Variants in RAP1GAP observed in about 807,000 individuals in gnomAD.
RAP1GAP encodes RAP1 GTPase activating protein.
Under a neutral mutation model 87.2 loss-of-function variants are expected in RAP1GAP, and 35 were observed. That is an observed-to-expected ratio of 0.40 (90% confidence interval 0.31 to 0.53). RAP1GAP has a LOEUF of 0.53. Among genes scored for constraint, RAP1GAP ranks in the 20% least tolerant of loss-of-function variants. The probability of loss-of-function intolerance (pLI) is 0.48; values close to 1 mark genes in which losing one functional copy is unlikely to be tolerated. For synonymous variants in RAP1GAP, 375 were observed against 363.9 expected, an observed-to-expected ratio of 1.03 and a Z score of -0.35; for missense variants, 734 against 898.9, an observed-to-expected ratio of 0.82 and a Z score of 2.35.
At position 21,611,584 on chromosome 1, in the gene RAP1GAP, G is replaced by A. The variant is rs1361982803; in HGVS notation, c.714-3C>T. The A allele has an allele frequency of 1.2e-6, 2 of 1,613,968 alleles. No individual in the cohort carries two copies. The highest frequency in any genetic ancestry group is 1.7e-6 in the Non-Finnish European group (2 of 1,180,008). The stretch of plus-strand genomic sequence containing the variant: ...TCACGTCCAGGCCTCCTCGGAACCT[G>A]CCCCGGGGCCCCCCAGGCCACGCCT... On this transcript the variant is annotated splice_polypyrimidine_tract_variant and splice_region_variant and intron_variant, in intron 12 of 24. Transcript: ENST00000374765.
At chr1:21,606,247 C>G (rs750659847) in intron 17 of RAP1GAP, 50 bp from the exon 18 acceptor site, 2 of 1,541,192 alleles carry the variant, frequency 1.3e-6, no homozygotes, top group South Asian at 2.4e-5. Flanking sequence ...AAGGGCCGTC[C>G]CCTTGGGGAA....
chr1:21,629,359 C>G (rs1414702944), intron 2 of RAP1GAP, among the ~76,000 whole-genome samples: 1 of 152,186 alleles, frequency 6.6e-6, no homozygotes, highest in Non-Finnish European at 1.5e-5. Flanking sequence ...CCCTGACAAA[C>G]CCCCTTCCAG....
chr1:21,608,333 G>A lies in RAP1GAP; in HGVS notation c.1176C>T (p.Ala392=). The A allele has an allele frequency of 6.2e-7, 1 of 1,613,236 alleles. No homozygotes were observed. Among genetic ancestry groups the A allele is most frequent in the Non-Finnish European group, 8.5e-7 (1 of 1,179,710 alleles). ...GTTCCTCATAGAGCGTCTCCAGGAG[G>A]GCGGCCCGCGTCCGCTCCTGTGGGC... The part of the protein sequence containing the change: ...FAKLEERTRA[A]LLETLYEELH... The change falls in exon 17 of 25, where the codon GCC becomes GCT. Residue 392 remains alanine (A), a synonymous_variant. Coordinates refer to ENST00000374765, the MANE Select transcript of RAP1GAP (RefSeq NM_002885.4).
intron 1 of RAP1GAP, chr1:21,653,047 A>G (rs1225928148): frequency 1.3e-5 from 2 of 152,250 alleles, no homozygotes; most frequent in African/African-American, 4.8e-5. Context: ...GAGCTGTTCC[A>G]CCTGGGACCC....
intron 2 of RAP1GAP, among the ~76,000 whole-genome samples, chr1:21,633,026 G>A (rs1571043606): frequency 6.6e-6 from 1 of 152,208 alleles, no homozygotes; most frequent in Admixed American, 6.5e-5. Context: ...AGCTGGAGGG[G>A]TGGTGAGAGG....
intron 2 of RAP1GAP, among the ~76,000 whole-genome samples, chr1:21,627,244 T>C (rs1462860878): frequency 6.6e-6 from 1 of 152,114 alleles, no homozygotes; most frequent in East Asian, 1.9e-4. Flanking sequence ...TCTGCTCAGG[T>C]CCCATCAAGA....
intron 1 of RAP1GAP, among the ~76,000 whole-genome samples, chr1:21,660,353 T>TATATATATATATATATATATATAGAGA: frequency 1.1e-4 from 3 of 26,820 alleles, no homozygotes; most frequent in Admixed American, 1.2e-3. Flanking sequence ...ATATATTTAT[T>TATATATATATATATATATATATAGAGA]GAGACAGTCT....
At chr1:21,667,381 A>T (rs913151028) in intron 1 of RAP1GAP, among the ~76,000 whole-genome samples, 1 of 152,180 alleles carries the variant, frequency 6.6e-6, no homozygotes, top group Non-Finnish European at 1.5e-5. Flanking sequence ...TAGAGCCAGG[A>T]GAGGGGCCTC....
intron 2 of RAP1GAP, among the ~76,000 whole-genome samples, chr1:21,633,683 T>C (rs1016729841): frequency 4.0e-5 from 6 of 151,898 alleles, no homozygotes; most frequent in African/African-American, 1.5e-4. Context: ...AGGGAGCCAA[T>C]GAATACAGGG....
rs1484021626 is a variant in RAP1GAP at position 21,669,188 on chromosome 1, C to T, written c.-149+66G>A. ...GCGCGGGGTCTTCGCTGCGAGCCGA[C>T]GGGAGTCTGGACACCTCTGTCCCCT... On this transcript the variant is annotated intron_variant, in intron 1 of 24. Coordinates refer to ENST00000374765, the MANE Select transcript of RAP1GAP (RefSeq NM_002885.4). This position sits in a 1 kb window ranked among gnomAD's most constrained non-coding sequence, Gnocchi z 5.6. 10 of 1,229,294 alleles carry T rather than the reference C, an allele frequency of 8.1e-6. No individual in the cohort carries two copies. Among genetic ancestry groups the T allele is most frequent in the Non-Finnish European group, 1.0e-5 (10 of 964,858 alleles). 76.1% of individuals were successfully genotyped at this position (1,229,294 alleles called of 1,614,324 possible). A position where few individuals can be genotyped will look rare whatever the true frequency, so the allele number is the denominator to read the frequency against.
rs968887858 is a variant in RAP1GAP at position 21,669,322 on chromosome 1, C to A, written c.-217G>T. ...GCCCGCGGCCGCCGCTGCAGCTCTGCTCAGATGCGGCCGGCGCTCGCCGCC... is the reference window on the plus strand; with the variant it reads ...GCCCGCGGCCGCCGCTGCAGCTCTGATCAGATGCGGCCGGCGCTCGCCGCC... On this transcript the variant is annotated 5_prime_UTR_variant, in exon 1 of 25. Transcript: ENST00000374765. This position sits in a 1 kb window ranked among gnomAD's most constrained non-coding sequence, Gnocchi z 5.6. The A allele has an allele frequency of 7.3e-6, 8 of 1,101,536 alleles. No individual in the cohort carries two copies. The highest frequency in any genetic ancestry group is 5.8e-5 in the Admixed American group (1 of 17,224). 68.2% of individuals were successfully genotyped at this position (1,101,536 alleles called of 1,614,324 possible).
chr1:21,665,053 C>T (rs974517053), intron 1 of RAP1GAP, among the ~76,000 whole-genome samples: 1 of 152,222 alleles, frequency 6.6e-6, no homozygotes, highest in Non-Finnish European at 1.5e-5. Context: ...CAATCTATGT[C>T]CTTTTAGACC....
intron 2 of RAP1GAP, among the ~76,000 whole-genome samples, chr1:21,640,069 GC>G (rs1213776085): frequency 5.6e-5 from 2 of 35,520 alleles, no homozygotes; most frequent in East Asian, 9.2e-4. Context: ...CCTCCCACCC[GC>G]CCACTGTCTC....
intron 2 of RAP1GAP, among the ~76,000 whole-genome samples, chr1:21,647,302 A>T (rs552117789): frequency 6.6e-6 from 1 of 152,258 alleles, no homozygotes; most frequent in Admixed American, 6.5e-5. Flanking sequence ...CTCTACTAAA[A>T]ATACAAAAAT....
At chr1:21,641,201 A>G (rs144850886) in intron 2 of RAP1GAP, among the ~76,000 whole-genome samples, 26 of 151,724 alleles carry the variant, frequency 1.7e-4, no homozygotes, top group Non-Finnish European at 3.7e-4. Flanking sequence ...GATTACAGGC[A>G]TGAGCCACCA....
chr1:21,617,005 C>T (rs890779272), intron 7 of RAP1GAP, among the ~76,000 whole-genome samples: 14 of 152,350 alleles, frequency 9.2e-5, no homozygotes, highest in African/African-American at 2.9e-4. Flanking sequence ...AGAAGTTAAG[C>T]GATTTACCCG....
chr1:21,641,772 G>C (rs1388283489), intron 2 of RAP1GAP, among the ~76,000 whole-genome samples: 1 of 152,152 alleles, frequency 6.6e-6, no homozygotes, highest in African/African-American at 2.4e-5. Flanking sequence ...AGCTGGACCA[G>C]GTCAAACTTA....
At chr1:21,611,928 C>T in intron 11 of RAP1GAP, 98 bp downstream of exon 11, 2 of 1,482,506 alleles carry the variant, frequency 1.3e-6, no homozygotes, top group Non-Finnish European at 1.9e-6. Flanking sequence ...AGCCCCTGGG[C>T]TCCTGAGTCC....
At chr1:21,659,416 G>C (rs2097017237) in intron 1 of RAP1GAP, among the ~76,000 whole-genome samples, 1 of 152,084 alleles carries the variant, frequency 6.6e-6, no homozygotes, top group South Asian at 2.1e-4. Context: ...GCCACCCCCC[G>C]CACTTCCTCA....
Sources: gnomAD v4.1 joint callset for allele counts (sites outside exome capture counted in the v4.1 genomes callset) on GRCh38, gnomAD v4.1.1 for gene constraint, Gnocchi (gnomAD v3.1) non-coding constraint, MANE v1.5 for transcripts, NCBI Gene and HGNC (gene_info 2026-07-23, HGNC 2026-07-21) for gene names.